Variants in FAT2 observed in about 807,000 individuals in gnomAD.
FAT2 encodes the protein protocadherin Fat 2.
In FAT2, 150 loss-of-function variants were observed where a neutral mutation model predicts 295.3. The observed-to-expected ratio is 0.51, with a 90% CI of 0.44 to 0.58. The LOEUF (loss-of-function observed/expected upper bound fraction) is 0.58. FAT2 is among the 20% of genes least tolerant of loss of function. The pLI is 0.00. For missense variants in FAT2, 4,868 were observed against 5,442.7 expected (o/e 0.89, Z 3.32); for synonymous variants, 2,026 against 2,150.3 (o/e 0.94, Z 1.60).
intron 11 of FAT2, among the ~76,000 whole-genome samples, chr5:151,539,361 A>G (rs577316105): frequency 5.0e-4 from 76 of 152,360 alleles, no homozygotes; most frequent in Admixed American, 1.7e-3. Context: ...TGTGTGTGCA[A>G]GCAAGTCGAA....
chr5:151,529,111 G>A, intron 15 of FAT2, 67 bp downstream of exon 15: 2 of 1,340,838 alleles, frequency 1.5e-6, no homozygotes, highest in Non-Finnish European at 2.1e-6. Context: ...ATGGCTGGGT[G>A]TGGGGGTGAG....
chr5:151,506,073 C>G lies in FAT2; in HGVS notation c.12542G>C (p.Trp4181Ser). ...EMVYPGGAMV[W>S]PPTYSRNERW... ...TTCGTTCCTGGAGTAAGTAGGGGGC[C>G]AGACCATGGCTCCGCCAGGGTACAC... The change falls in exon 24 of 24, where the codon TGG becomes TCG. Residue 4181 changes from tryptophan to serine, a missense_variant. Physicochemically the swap from Trp to Ser is radical, Grantham distance 177 (BLOSUM62 -3). Transcript: ENST00000261800. The G allele has an allele frequency of 1.3e-6, 2 of 1,529,290 alleles. No homozygotes were observed. The highest frequency in any genetic ancestry group is 1.7e-6 in the Non-Finnish European group (2 of 1,146,550). 94.7% of individuals were successfully genotyped at this position (1,529,290 alleles called of 1,614,324 possible).
Position 151,542,593 on chromosome 5 carries a change from T to C in FAT2, c.8534A>G (p.His2845Arg), listed in dbSNP as rs988898024. 1.9e-6 allele frequency: 3 copies of C among 1,614,084 alleles called. No homozygotes were observed. The highest frequency in any genetic ancestry group is 2.7e-5 in the African/African-American group (2 of 74,928). Reference sequence around the variant, plus strand: ...CTCACTGTCAATGGCAAAGAGCTCATGGACATTGCTACCAGGGTCTGCAGA... The same window carrying C: ...CTCACTGTCAATGGCAAAGAGCTCACGGACATTGCTACCAGGGTCTGCAGA... ...RLSADPGSNVHELFAIDSESG... is the reference protein window; with the variant it reads ...RLSADPGSNVRELFAIDSESG... Residue 2845 changes from histidine (H) to arginine (R), a missense_variant, in exon 10 of 24, where the codon CAT (histidine) becomes CGT (arginine). This residue lies in a region of FAT2 where 3,297 missense variants were observed against 3,669.4 expected (regional missense o/e 0.90). Coordinates refer to ENST00000261800, the MANE Select transcript of FAT2 (RefSeq NM_001447.3).
chr5:151,523,802 A>G (rs1217310807), intron 18 of FAT2, among the ~76,000 whole-genome samples: 1 of 152,110 alleles, frequency 6.6e-6, no homozygotes, highest in African/African-American at 2.4e-5. Flanking sequence ...CTCACAAACA[A>G]CTGGGAAATA....
At chr5:151,590,610 G>T (rs913513516) in intron 1 of FAT2, among the ~76,000 whole-genome samples, 12 of 152,154 alleles carry the variant, frequency 7.9e-5, no homozygotes, top group South Asian at 6.2e-4. Flanking sequence ...CAGGGAAGCT[G>T]AGGTCCTAAT....
chr5:151,569,544 C>A (rs1246535744), intron 1 of FAT2, among the ~76,000 whole-genome samples: 1 of 152,164 alleles, frequency 6.6e-6, no homozygotes, highest in African/African-American at 2.4e-5. Context: ...AGCCCTGCAA[C>A]AGAATTATCC....
In FAT2 at chr5:151,544,142, C is replaced by A; in HGVS notation, c.6985G>T (p.Gly2329Trp). ...SKFFQINGST[G>W]EMSTVQELDY... ...AGTTCTTGAACTGTGGACATCTCCCCTGTGCTCCCATTGATCTGGAAGAAC... is the reference window on the plus strand; with the variant it reads ...AGTTCTTGAACTGTGGACATCTCCCATGTGCTCCCATTGATCTGGAAGAAC... The change falls in exon 10 of 24, where the codon GGG becomes TGG. Residue 2329 changes from glycine to tryptophan, a missense_variant. Around this residue, in one of 5 missense-constraint regions of FAT2, gnomAD observed 3,297 missense variants for 3,669.4 expected, o/e 0.90. Transcript: ENST00000261800. The A allele has an allele frequency of 1.2e-6, 2 of 1,614,214 alleles. No individual in the cohort carries two copies. Among genetic ancestry groups the A allele is most frequent in the Non-Finnish European group, 1.7e-6 (2 of 1,180,038 alleles).
chr5:151,563,772 A>G (rs1758130889), intron 2 of FAT2, 133 bp from the exon 3 acceptor site: 2 of 682,434 alleles, frequency 2.9e-6, no homozygotes, highest in Non-Finnish European at 5.0e-6. Flanking sequence ...GAAAAGAAGG[A>G]ACTGCTTCTA....
intron 11 of FAT2, among the ~76,000 whole-genome samples, chr5:151,540,037 A>G (rs1393247290): frequency 6.6e-6 from 1 of 152,236 alleles, no homozygotes; most frequent in Non-Finnish European, 1.5e-5. Flanking sequence ...GTATTTGATA[A>G]TAGTGAGCCA....
At position 151,556,347 on chromosome 5, in the gene FAT2, C is replaced by A. The variant is rs1757693490; in HGVS notation, c.3630G>T (p.Leu1210=). 6.2e-7 allele frequency: 1 copy of A among 1,612,872 alleles called. No homozygotes were observed. Reference sequence around the variant, plus strand: ...TGGATTCACCACCATTACTTACCTCCAGGATGTGTTCATCCTTGTTCTCTC... The same window carrying A: ...TGGATTCACCACCATTACTTACCTCAAGGATGTGTTCATCCTTGTTCTCTC... The part of the protein sequence containing the change: ...LDRENKDEHI[L]EVTVLDNGEP... The change falls in exon 4 of 24, where the codon CTG becomes CTT. Residue 1210 remains leucine, a synonymous_variant. Coordinates refer to ENST00000261800, the MANE Select transcript of FAT2 (RefSeq NM_001447.3).
Position 151,542,268 on chromosome 5 carries a change from A to G in FAT2, c.8842+17T>C. On this transcript the variant is annotated intron_variant, in intron 10 of 23. Coordinates refer to ENST00000261800, the MANE Select transcript of FAT2 (RefSeq NM_001447.3). ...CGATACATTCCAGAGCCTGCAGTCC[A>G]TGACAGGTGTTCTTACCTGTGATGT... The G allele has an allele frequency of 4.5e-6, 7 of 1,569,726 alleles. No individual in the cohort carries two copies. Among genetic ancestry groups the G allele is most frequent in the Non-Finnish European group, 5.2e-6 (6 of 1,158,804 alleles).
At chr5:151,539,249 A>G (rs1032323531) in intron 11 of FAT2, among the ~76,000 whole-genome samples, 5 of 152,210 alleles carry the variant, frequency 3.3e-5, no homozygotes, top group Non-Finnish European at 1.5e-5. Context: ...CTCTTTTTCT[A>G]CAGTGCTTTT....
intron 3 of FAT2, among the ~76,000 whole-genome samples, chr5:151,561,979 C>T (rs979484472): frequency 7.2e-5 from 11 of 152,148 alleles, no homozygotes; most frequent in Non-Finnish European, 1.6e-4. Flanking sequence ...GGTGAGAGAT[C>T]TCTTCCCACT....
Position 151,510,117 on chromosome 5 carries a change from T to A in FAT2, c.11963A>T (p.Glu3988Val). ...CAGGCAGGGTGCAAAAGTACAGTTC[T>A]CCCTTCCTTGTTCACAGTGCTTCCC... ...FSGKHCEQGRENCTFAPCLEG... is the reference protein window; with the variant it reads ...FSGKHCEQGRVNCTFAPCLEG... The change falls in exon 22 of 24, where the codon GAG becomes GTG. Residue 3988 changes from glutamate to valine, a missense_variant. Around this residue, in one of 5 missense-constraint regions of FAT2, gnomAD observed 492 missense variants for 482.6 expected, o/e 1.02. Coordinates refer to ENST00000261800, the MANE Select transcript of FAT2 (RefSeq NM_001447.3). 1 of 1,614,136 alleles carries A rather than the reference T, an allele frequency of 6.2e-7. No homozygotes were observed. The highest frequency in any genetic ancestry group is 1.1e-5 in the South Asian group (1 of 91,076).
At chr5:151,565,647 A>AGGGCCC in intron 2 of FAT2, 26 bp downstream of exon 2, 56 of 1,460,924 alleles carry the variant, frequency 3.8e-5, no homozygotes, top group South Asian at 5.2e-5. Flanking sequence ...TGGCCCTGGC[A>AGGGCCC]CCCCACCCTA....
rs1049252534 is a variant in FAT2 at position 151,545,458 on chromosome 5, T to C, written c.5669A>G (p.Glu1890Gly). The C allele has an allele frequency of 6.2e-7, 1 of 1,614,192 alleles. No homozygotes were observed. The highest frequency in any genetic ancestry group is 8.5e-7 in the Non-Finnish European group (1 of 1,180,014). ...AIVGPIHPGMELLMVRASDED... is the reference protein window; with the variant it reads ...AIVGPIHPGMGLLMVRASDED... ...ATCGCTGGCCCGCACCATGAGAAGC[T>C]CCATGCCTGGATGGATAGGCCCGAC... The change falls in exon 10 of 24, where the codon GAG (glutamate) becomes GGG (glycine). Residue 1890 changes from glutamate (E) to glycine (G), a missense_variant. Around this residue, in one of 5 missense-constraint regions of FAT2, gnomAD observed 3,297 missense variants for 3,669.4 expected, o/e 0.90. Coordinates refer to ENST00000261800, the MANE Select transcript of FAT2 (RefSeq NM_001447.3).
upstream of FAT2, among the ~76,000 whole-genome samples, chr5:151,594,196 C>A (rs926794425): frequency 6.6e-6 from 1 of 152,196 alleles, no homozygotes; most frequent in African/African-American, 2.4e-5. Context: ...AAGATCCAAG[C>A]CCCGGTCTGT....
intron 16 of FAT2, 66 bp from the exon 17 acceptor site, chr5:151,527,443 C>T (rs1754136094): frequency 2.1e-6 from 3 of 1,436,680 alleles, no homozygotes; most frequent in South Asian, 2.9e-5. Context: ...CCCCCTGAGT[C>T]ATCACTAATA....
rs940043005 is a variant in FAT2 at position 151,549,269 on chromosome 5, T to G, written c.4789+26A>C. ...ATTTCTAAAGCATCTTGACCCATCCTCTGAGCTCATGGCCAGGCCTCTCAC... is the reference window on the plus strand; with the variant it reads ...ATTTCTAAAGCATCTTGACCCATCCGCTGAGCTCATGGCCAGGCCTCTCAC... On this transcript the variant is annotated intron_variant, in intron 9 of 23. Coordinates refer to ENST00000261800, the MANE Select transcript of FAT2 (RefSeq NM_001447.3). 1.9e-6 allele frequency: 3 copies of G among 1,607,770 alleles called. No homozygotes were observed. The African/African-American group carries it at 4.0e-5, about 22-fold the overall frequency.
Sources: allele counts gnomAD v4.1 joint callset (sites outside exome capture counted in the v4.1 genomes callset), GRCh38; gene constraint gnomAD v4.1.1; regional missense constraint gnomAD v4.1.1; transcripts MANE v1.5; gene names NCBI Gene and HGNC (gene_info 2026-07-23, HGNC 2026-07-21).